Variants in HMCN1 observed in about 807,000 individuals in gnomAD.
HMCN1 encodes the protein hemicentin 1, also known as hemicentin-1.
Under a neutral mutation model 625.9 loss-of-function variants are expected in HMCN1, and 321 were observed. That is an observed-to-expected ratio of 0.51 (90% CI 0.47 to 0.56). The LOEUF (loss-of-function observed/expected upper bound fraction) is 0.56, where lower values mean the gene tolerates loss of function less well. Ranked by LOEUF, HMCN1 falls within the 20% of genes least tolerant of loss-of-function variation. HMCN1 has a pLI of 0.00. For missense variants in HMCN1, 6,588 were observed against 6,887.3 expected (o/e 0.96, Z 1.54); for synonymous variants, 2,425 against 2,417.6 (o/e 1.00, Z -0.09).
At chr1:185,743,567 T>C (rs1180502009) in intron 1 of HMCN1, among the ~76,000 whole-genome samples, 3 of 152,200 alleles carry the variant, frequency 2.0e-5, no homozygotes, top group African/African-American at 4.8e-5. Context: ...GTTAGAACAA[T>C]TGAACTGATT....
intron 99 of HMCN1, 25 bp from the exon 100 acceptor site, chr1:186,166,783 A>C: frequency 6.2e-7 from 1 of 1,614,026 alleles, no homozygotes; most frequent in Non-Finnish European, 8.5e-7. Context: ...AGCTCACCTC[A>C]GTTGAATGAT....
At chr1:185,794,824 T>TA (rs5779260) in intron 1 of HMCN1, among the ~76,000 whole-genome samples, 52,392 of 151,674 alleles carry the variant, frequency 0.35, 10,433 homozygotes, top group African/African-American at 0.54. Context: ...AACATTGATT[T>TA]AAAAAAACTT....
intron 1 of HMCN1, among the ~76,000 whole-genome samples, chr1:185,842,572 A>G (rs1009090554): frequency 2.0e-5 from 3 of 150,628 alleles, no homozygotes; most frequent in African/African-American, 4.9e-5. Flanking sequence ...TCAACAAAAA[A>G]TAAAAAAATT....
At chr1:185,906,944 CCTTT>C (rs893513752) in intron 4 of HMCN1, among the ~76,000 whole-genome samples, 8 of 147,138 alleles carry the variant, frequency 5.4e-5, no homozygotes, top group African/African-American at 1.3e-4. Flanking sequence ...CAACAACAAT[CCTTT>C]CTATTTTTTT....
chr1:185,762,860 G>C (rs1309999848), intron 1 of HMCN1, among the ~76,000 whole-genome samples: 2 of 152,288 alleles, frequency 1.3e-5, no homozygotes, highest in East Asian at 3.9e-4. Flanking sequence ...GCAAAACTCA[G>C]ACTTTTAAAG....
At chr1:185,829,058 C>T (rs1400813764) in intron 1 of HMCN1, among the ~76,000 whole-genome samples, 3 of 152,058 alleles carry the variant, frequency 2.0e-5, no homozygotes, top group Non-Finnish European at 2.9e-5. Context: ...TACACAAATA[C>T]ACCATGTAAA....
At chr1:185,796,465 C>G (rs1658381799) in intron 1 of HMCN1, among the ~76,000 whole-genome samples, 1 of 152,180 alleles carries the variant, frequency 6.6e-6, no homozygotes, top group South Asian at 2.1e-4. Context: ...TCTATTATTC[C>G]ACTCCCTATG....
intron 49 of HMCN1, among the ~76,000 whole-genome samples, chr1:186,067,284 A>G (rs1405718651): frequency 1.3e-5 from 2 of 152,156 alleles, no homozygotes; most frequent in African/African-American, 4.8e-5. Context: ...TATATTTTAT[A>G]AAACAAATGT....
chr1:186,019,427 G>A, intron 34 of HMCN1, 114 bp from the exon 35 acceptor site: 1 of 751,114 alleles, frequency 1.3e-6, no homozygotes, highest in South Asian at 1.5e-5. Context: ...TGTTAAAATA[G>A]GGATTTGCTT....
In HMCN1 at chr1:186,128,438, A is replaced by G. The variant is rs1483803373; in HGVS notation, c.12904+147A>G. On this transcript the variant is annotated intron_variant, in intron 83 of 106. Transcript: ENST00000271588. The stretch of plus-strand genomic sequence containing the variant: ...AAATGTGTGCCTCTGCTTGGATTTT[A>G]CCCTCTACCCAATATATATGTTTTG... 3 of 694,360 alleles carry G rather than the reference A, an allele frequency of 4.3e-6. No individual in the cohort carries two copies. The African/African-American group carries it at 5.3e-5, about 12-fold the overall frequency. The allele number at this position is 694,360 out of a possible 1,614,324, so 43.0% of individuals were successfully genotyped here. A position where few individuals can be genotyped will look rare whatever the true frequency, so the allele number is the denominator to read the frequency against.
intron 71 of HMCN1, among the ~76,000 whole-genome samples, chr1:186,111,228 G>A (rs565527622): frequency 2.3e-3 from 347 of 151,866 alleles, no homozygotes; most frequent in African/African-American, 8.0e-3. Flanking sequence ...TGATCCACCC[G>A]CCTCAGCCTC....
chr1:186,169,443 A>ATT (rs1652084293), intron 100 of HMCN1, among the ~76,000 whole-genome samples: 2 of 152,226 alleles, frequency 1.3e-5, no homozygotes, highest in Admixed American at 1.3e-4. Context: ...TTCAAACTAT[A>ATT]TTACAAGGCT....
chr1:185,898,428 G>T (rs1422230161), intron 4 of HMCN1, among the ~76,000 whole-genome samples: 1 of 152,134 alleles, frequency 6.6e-6, no homozygotes, highest in African/African-American at 2.4e-5. Flanking sequence ...TTGGAAATTT[G>T]CTAACAGCAA....
chr1:185,782,428 A>T (rs144218202), intron 1 of HMCN1, among the ~76,000 whole-genome samples: 7,640 of 152,138 alleles, frequency 0.05, 584 homozygotes, highest in African/African-American at 0.17. Context: ...GTTGATGCAG[A>T]TTCTTCCTAG....
chr1:185,835,318 CTT>C (rs1661099753), intron 1 of HMCN1, among the ~76,000 whole-genome samples: 1 of 151,732 alleles, frequency 6.6e-6, no homozygotes. Context: ...CAGAATGTCT[CTT>C]GTTTCTCTTC....
intron 30 of HMCN1, among the ~76,000 whole-genome samples, chr1:186,012,175 G>T (rs1191082129): frequency 6.6e-6 from 1 of 150,742 alleles, no homozygotes; most frequent in Non-Finnish European, 1.5e-5. Flanking sequence ...AAAAAACATA[G>T]ATTTTTTTTA....
At chr1:186,148,557 C>T (rs1468872346) in intron 93 of HMCN1, among the ~76,000 whole-genome samples, 1 of 151,992 alleles carries the variant, frequency 6.6e-6, no homozygotes, top group African/African-American at 2.4e-5. Flanking sequence ...CACCCAGGCT[C>T]GAATGCAGTG....
chr1:185,878,636 TA>T lies in HMCN1; in HGVS notation c.621+12775del, dbSNP rs543975357. On this transcript the variant is annotated intron_variant, in intron 4 of 106. Transcript: ENST00000271588. ...TGGTGTGCTGGTAGATTTGATTTGC[TA>T]ATATTTTGTAGAGGATTTTGGGGTC... 2.1e-4 allele frequency among the ~76,000 whole-genome samples: 32 copies of T among 152,328 alleles called. 1 individual carries two copies. The South Asian group carries it at 3.5e-3, about 17-fold the overall frequency.
At chr1:185,756,479 A>T (rs558065781) in intron 1 of HMCN1, among the ~76,000 whole-genome samples, 1 of 120,990 alleles carries the variant, frequency 8.3e-6, no homozygotes, top group South Asian at 2.5e-4. Context: ...ACCTCAGGGT[A>T]AAAAAAAAAA....
Sources: gnomAD v4.1 joint callset for allele counts (sites outside exome capture counted in the v4.1 genomes callset) on GRCh38, gnomAD v4.1.1 for gene constraint, MANE v1.5 for transcripts, NCBI Gene and HGNC (gene_info 2026-07-23, HGNC 2026-07-21) for gene names.